Variants in NRG1 observed in about 807,000 individuals in gnomAD.
The protein encoded by NRG1 is neuregulin 1, also known as pro-neuregulin-1, membrane-bound isoform.
In NRG1, 18 loss-of-function variants were observed where a neutral mutation model predicts 63.8. The observed-to-expected ratio is 0.28, with a 90% confidence interval of 0.19 to 0.42. The LOEUF (loss-of-function observed/expected upper bound fraction) is 0.42. Ranked by LOEUF, NRG1 falls within the 10% of genes least tolerant of loss-of-function variation. The pLI, the probability that NRG1 is intolerant of heterozygous loss-of-function variation, is 1.00. For synonymous variants in NRG1, 302 were observed against 301.3 expected (o/e 1.00, Z -0.02); for missense variants, 762 against 814.7 (o/e 0.94, Z 0.79).
intron 1 of NRG1, among the ~76,000 whole-genome samples, chr8:31,830,130 C>T (rs1824963956): frequency 6.6e-6 from 1 of 151,898 alleles, no homozygotes; most frequent in African/African-American, 2.4e-5. Flanking sequence ...ATTATCATAT[C>T]AATTGTTTCA....
intron 1 of NRG1, among the ~76,000 whole-genome samples, chr8:31,908,696 ATAT>A (rs1386120110): frequency 6.6e-6 from 1 of 152,208 alleles, no homozygotes; most frequent in Non-Finnish European, 1.5e-5. Context: ...TATTGCCAAA[ATAT>A]TATATCATCA....
intron 1 of NRG1, among the ~76,000 whole-genome samples, chr8:32,584,743 A>C (rs954256322): frequency 1.8e-4 from 27 of 152,240 alleles, no homozygotes; most frequent in Non-Finnish European, 3.2e-4. Flanking sequence ...CACAGAAGGA[A>C]TAAGCTTTAA....
intron 1 of NRG1, among the ~76,000 whole-genome samples, chr8:32,173,873 T>G (rs1045288046): frequency 6.6e-6 from 1 of 152,074 alleles, no homozygotes; most frequent in African/African-American, 2.4e-5. Context: ...AGACTTAGAC[T>G]CCCACACAAT....
intron 1 of NRG1, among the ~76,000 whole-genome samples, chr8:31,721,352 T>A (rs186821692): frequency 1.3e-5 from 2 of 152,328 alleles, no homozygotes; most frequent in East Asian, 3.9e-4. Context: ...GTTGTATTAA[T>A]GTTTTTCATT....
chr8:32,313,741 T>G (rs1857071408), intron 1 of NRG1, among the ~76,000 whole-genome samples: 1 of 152,202 alleles, frequency 6.6e-6, no homozygotes, highest in Non-Finnish European at 1.5e-5. Flanking sequence ...TAAATTATTT[T>G]TAAAACATCA....
chr8:32,623,463 T>C (rs940551615), intron 5 of NRG1, among the ~76,000 whole-genome samples: 1 of 152,252 alleles, frequency 6.6e-6, no homozygotes, highest in Admixed American at 6.5e-5. Context: ...TTCAGATTTC[T>C]ATAAACATGG....
intron 1 of NRG1, among the ~76,000 whole-genome samples, chr8:32,006,722 A>T (rs1298171036): frequency 2.0e-5 from 3 of 152,010 alleles, no homozygotes; most frequent in Non-Finnish European, 4.4e-5. Flanking sequence ...ACCTAGAGCC[A>T]CAAAGAACTG....
chr8:31,924,764 G>A (rs753445276), intron 1 of NRG1, among the ~76,000 whole-genome samples: 9 of 151,102 alleles, frequency 6.0e-5, no homozygotes, highest in East Asian at 1.9e-4. Flanking sequence ...TCTTTAATGA[G>A]TTTCAGCTAC....
chr8:32,549,061 C>T (rs1833582125), intron 1 of NRG1, among the ~76,000 whole-genome samples: 1 of 152,210 alleles, frequency 6.6e-6, no homozygotes, highest in Non-Finnish European at 1.5e-5. Context: ...GACAGCAGTC[C>T]CGGCCGCACC....
chr8:31,690,495 G>A (rs1415958341), intron 1 of NRG1, among the ~76,000 whole-genome samples: 2 of 152,318 alleles, frequency 1.3e-5, no homozygotes, highest in African/African-American at 4.8e-5. Context: ...GACTGATCAA[G>A]TAACAGCAGG....
At chr8:32,176,946 A>G (rs995266981) in intron 1 of NRG1, among the ~76,000 whole-genome samples, 2 of 152,298 alleles carry the variant, frequency 1.3e-5, no homozygotes, top group Admixed American at 6.5e-5. Context: ...TAGAACTAGA[A>G]ATACCATTTG....
At chr8:32,448,376 A>G (rs933825339) in intron 1 of NRG1, among the ~76,000 whole-genome samples, 1 of 152,182 alleles carries the variant, frequency 6.6e-6, no homozygotes, top group African/African-American at 2.4e-5. Context: ...AGGTTATTTT[A>G]TCAATAGGAA....
intron 5 of NRG1, among the ~76,000 whole-genome samples, chr8:32,622,131 C>T (rs1313958142): frequency 3.9e-5 from 6 of 152,036 alleles, no homozygotes; most frequent in Admixed American, 2.0e-4. Context: ...AGGACAATCG[C>T]GGTGGCTCAT....
At chr8:32,746,386 C>T (rs1280661016) in intron 7 of NRG1, among the ~76,000 whole-genome samples, 2 of 152,122 alleles carry the variant, frequency 1.3e-5, no homozygotes, top group Non-Finnish European at 2.9e-5. Context: ...AAATGATTAG[C>T]ATAAACAGGC....
intron 1 of NRG1, among the ~76,000 whole-genome samples, chr8:31,775,027 T>G (rs912951254): frequency 2.0e-5 from 3 of 152,150 alleles, no homozygotes; most frequent in African/African-American, 7.2e-5. Flanking sequence ...TGGAAAACAG[T>G]GTGGAGATTT....
At chr8:32,142,126 G>T (rs1315619777) in intron 1 of NRG1, among the ~76,000 whole-genome samples, 1 of 152,140 alleles carries the variant, frequency 6.6e-6, no homozygotes, top group Non-Finnish European at 1.5e-5. Flanking sequence ...AAAACCCCAG[G>T]AGTCTCATTC....
chr8:31,664,806 G>T (rs1295435869), intron 1 of NRG1, among the ~76,000 whole-genome samples: 2 of 152,136 alleles, frequency 1.3e-5, no homozygotes, highest in African/African-American at 4.8e-5. Flanking sequence ...CATATTATAG[G>T]TTAATCAAGG....
rs1268926675 is a variant in NRG1 at position 31,755,361 on chromosome 8, T to C, written c.37+115930T>C. Reference sequence around the variant, plus strand: ...AGAAGGTATTTTATAATTAAGAGACTTGAAACTGAGAGGCTTACTTGCCCA... The same window carrying C: ...AGAAGGTATTTTATAATTAAGAGACCTGAAACTGAGAGGCTTACTTGCCCA... On this transcript the variant is annotated intron_variant, in intron 1 of 10. Coordinates refer to the NRG1 transcript ENST00000519301. 3.9e-5 allele frequency among the ~76,000 whole-genome samples: 6 copies of C among 152,228 alleles called. No homozygotes were observed. In the South Asian group the frequency reaches 6.2e-4, roughly 16 times the overall value.
chr8:31,904,266 CTCT>C (rs1178301445), intron 1 of NRG1, among the ~76,000 whole-genome samples: 10 of 152,282 alleles, frequency 6.6e-5, no homozygotes, highest in African/African-American at 2.4e-4. Flanking sequence ...AGAAGAATCT[CTCT>C]TCTAAGATTT....
Sources: allele counts gnomAD v4.1 joint callset (sites outside exome capture counted in the v4.1 genomes callset), GRCh38; gene constraint gnomAD v4.1.1; transcripts MANE v1.5; gene names NCBI Gene and HGNC (gene_info 2026-07-23, HGNC 2026-07-21).